The following MROH9 variants were observed in gnomAD, a reference collection of about 807,000 sequenced individuals.
MROH9 encodes the protein maestro heat-like repeat-containing protein family member 9.
In MROH9, 92 loss-of-function variants were observed where a neutral mutation model predicts 98.2. That is an observed-to-expected ratio of 0.94 (90% CI 0.79 to 1.11). MROH9 has a LOEUF of 1.11. MROH9 is among the 50% of genes most tolerant of loss of function. The pLI, the probability that MROH9 is intolerant of heterozygous loss-of-function variation, is 0.00. For synonymous variants in MROH9, 397 were observed against 368.9 expected, an observed-to-expected ratio of 1.08 and a Z score of -0.87; for missense variants, 1,057 against 1,014.8, an observed-to-expected ratio of 1.04 and a Z score of -0.57.
chr1:170,994,027 T>C (rs971778545), intron 12 of MROH9, among the ~76,000 whole-genome samples: 6 of 152,240 alleles, frequency 3.9e-5, no homozygotes, highest in African/African-American at 1.4e-4. Flanking sequence ...TTTGCAAATT[T>C]GTCTCCATGA....
intron 7 of MROH9, among the ~76,000 whole-genome samples, chr1:170,967,208 A>C (rs1650266669): frequency 6.6e-6 from 1 of 152,172 alleles, no homozygotes; most frequent in Non-Finnish European, 1.5e-5. Flanking sequence ...CCAACGGAAT[A>C]ACCTATTACT....
intron 20 of MROH9, among the ~76,000 whole-genome samples, chr1:171,028,864 C>T (rs1394584600): frequency 6.6e-6 from 1 of 152,158 alleles, no homozygotes; most frequent in Non-Finnish European, 1.5e-5. Flanking sequence ...GTAATTTTTG[C>T]ACATTGATTT....
intron 17 of MROH9, among the ~76,000 whole-genome samples, chr1:171,020,882 C>G (rs147489020): frequency 4.9e-4 from 74 of 152,276 alleles, no homozygotes; most frequent in Middle Eastern, 6.8e-3. Context: ...AGCCCCAAAA[C>G]TCCTTAAGCT....
chr1:171,025,331 G>A lies in MROH9; in HGVS notation c.2192G>A (p.Arg731Lys), dbSNP rs1262743499. The A allele has an allele frequency of 6.5e-7, 1 of 1,544,372 alleles. No individual in the cohort carries two copies. Among genetic ancestry groups the A allele is most frequent in the Admixed American group, 2.0e-5 (1 of 50,934 alleles). Reference protein sequence around the residue: ...NICNNLIISHRNYITDLTSDT... With the variant: ...NICNNLIISHKNYITDLTSDT... ...TTTTATTCTCAGATTATTTCTCATAGGAACTACATTACAGATTTGACATCT... is the reference window on the plus strand; with the variant it reads ...TTTTATTCTCAGATTATTTCTCATAAGAACTACATTACAGATTTGACATCT... Residue 731 changes from arginine (R) to lysine (K), a missense_variant, in exon 20 of 22, where the codon AGG becomes AAG. Physicochemically the swap from Arg to Lys is conservative, Grantham distance 26. Transcript: ENST00000367759.
intron 2 of MROH9, 44 bp downstream of exon 2, chr1:170,945,625 T>G: frequency 6.4e-7 from 1 of 1,556,462 alleles, no homozygotes. Context: ...GGTATTTTTG[T>G]GTATATGTGT....
chr1:170,986,891 C>T (rs1230570467), intron 10 of MROH9, among the ~76,000 whole-genome samples, 181 bp downstream of exon 10: 5 of 152,158 alleles, frequency 3.3e-5, no homozygotes, highest in Admixed American at 6.5e-5. Flanking sequence ...TGCTCTGTGG[C>T]TCACGCTGGA....
chr1:170,984,527 C>T (rs1165466834), intron 9 of MROH9, among the ~76,000 whole-genome samples: 3 of 152,168 alleles, frequency 2.0e-5, no homozygotes, highest in Admixed American at 6.5e-5. Flanking sequence ...ACTAGCAAAT[C>T]TTCCCTCATC....
At chr1:171,018,988 C>T (rs1319474328) in intron 17 of MROH9, among the ~76,000 whole-genome samples, 1 of 152,236 alleles carries the variant, frequency 6.6e-6, no homozygotes, top group Non-Finnish European at 1.5e-5. Flanking sequence ...ATACAAAACT[C>T]TCCAACCCAA....
intron 20 of MROH9, among the ~76,000 whole-genome samples, chr1:171,047,660 G>A (rs1250303884): frequency 1.3e-5 from 2 of 152,030 alleles, no homozygotes; most frequent in Admixed American, 6.6e-5. Flanking sequence ...TTGGTCCATG[G>A]TGCCTTATTT....
At chr1:171,007,557 G>T (rs1366461250) in intron 15 of MROH9, among the ~76,000 whole-genome samples, 1 of 152,202 alleles carries the variant, frequency 6.6e-6, no homozygotes, top group Admixed American at 6.5e-5. Context: ...CACTAGACAG[G>T]AAGAACTGCT....
chr1:170,982,646 T>A lies in MROH9; in HGVS notation c.617-776T>A, dbSNP rs368410398. 2.8e-4 allele frequency among the ~76,000 whole-genome samples: 42 copies of A among 152,270 alleles called. No homozygotes were observed. In the South Asian group the frequency reaches 8.1e-3, roughly 29 times the overall value. ...GGCTCACACCTGTAACCCCAGCAATTTGGGAGGCCTGGGCGGGCAGATTAC... is the reference window on the plus strand; with the variant it reads ...GGCTCACACCTGTAACCCCAGCAATATGGGAGGCCTGGGCGGGCAGATTAC... On this transcript the variant is annotated intron_variant, in intron 8 of 21. Transcript: ENST00000367759.
At chr1:170,944,959 G>A (rs566714206) in intron 1 of MROH9, among the ~76,000 whole-genome samples, 4 of 151,998 alleles carry the variant, frequency 2.6e-5, no homozygotes, top group Admixed American at 6.6e-5. Flanking sequence ...TATAATTAAG[G>A]TTACTAATCA....
chr1:170,981,804 T>A (rs981206190), intron 8 of MROH9, among the ~76,000 whole-genome samples: 5 of 150,960 alleles, frequency 3.3e-5, no homozygotes, highest in Non-Finnish European at 5.9e-5. Flanking sequence ...TGGATTTAAA[T>A]AGCCAAAGAA....
chr1:171,000,856 A>G (rs1651759239), intron 15 of MROH9, among the ~76,000 whole-genome samples: 1 of 152,010 alleles, frequency 6.6e-6, no homozygotes, highest in South Asian at 2.1e-4. Context: ...TCTGCTGTGA[A>G]TCCATCTGGT....
chr1:170,969,716 A>G (rs1239395772), intron 7 of MROH9, among the ~76,000 whole-genome samples: 1 of 152,200 alleles, frequency 6.6e-6, no homozygotes, highest in Non-Finnish European at 1.5e-5. Flanking sequence ...AAGAAAGGGC[A>G]CAGTTAAAAG....
At chr1:171,057,054 C>A (rs983236876) in intron 20 of MROH9, among the ~76,000 whole-genome samples, 3 of 152,170 alleles carry the variant, frequency 2.0e-5, no homozygotes, top group Admixed American at 6.5e-5. Context: ...ATCCAGAGTG[C>A]CTCTTCTCCA....
intron 17 of MROH9, among the ~76,000 whole-genome samples, chr1:171,020,529 T>C (rs1409057263): frequency 6.6e-6 from 1 of 152,166 alleles, no homozygotes; most frequent in African/African-American, 2.4e-5. Flanking sequence ...ATTATCTCAA[T>C]AGATGCCGAA....
At chr1:170,975,581 G>A (rs1390183709) in intron 8 of MROH9, among the ~76,000 whole-genome samples, 1 of 152,082 alleles carries the variant, frequency 6.6e-6, no homozygotes, top group Non-Finnish European at 1.5e-5. Context: ...AGTCTCTAAT[G>A]TCTATTAATC....
At chr1:170,958,433 T>TC (rs1649868610) in intron 3 of MROH9, 28 bp from the exon 4 acceptor site, 12 of 1,263,682 alleles carry the variant, frequency 9.5e-6, no homozygotes, top group African/African-American at 1.5e-5. Flanking sequence ...ATTCTTCTTT[T>TC]TTTTTTTTTT....
Sources: gnomAD v4.1 joint callset for allele counts (sites outside exome capture counted in the v4.1 genomes callset) on GRCh38, gnomAD v4.1.1 for gene constraint, MANE v1.5 for transcripts, NCBI Gene and HGNC (gene_info 2026-07-23, HGNC 2026-07-21) for gene names.